NPRL3: variants seen among roughly 807,000 people sequenced by gnomAD.
The protein encoded by NPRL3 is NPR3 like, GATOR1 complex subunit.
A neutral mutation model predicts 57.2 loss-of-function variants in NPRL3; 23 were observed. That is an observed-to-expected ratio of 0.40 (90% CI 0.29 to 0.57). The LOEUF (loss-of-function observed/expected upper bound fraction) is 0.57. Among genes scored for constraint, NPRL3 ranks in the 20% least tolerant of loss-of-function variants. NPRL3 has a pLI of 0.42. For synonymous variants in NPRL3, 333 were observed against 321.1 expected (o/e 1.04, Z -0.39); for missense variants, 691 against 767.1 (o/e 0.90, Z 1.17).
chr16:100,464 C>T lies in NPRL3; in HGVS notation c.675G>A (p.Leu225=). Residue 225 remains leucine, a synonymous_variant, in exon 8 of 14, where the codon CTG becomes CTA. Coordinates refer to ENST00000611875, the MANE Select transcript of NPRL3 (RefSeq NM_001077350.3). The stretch of plus-strand genomic sequence containing the variant: ...TGTGGGGCAGGCAGAAGCTCACCTC[C>T]AGCCAGCTGTTGATGTGAAGCCGAA... ...GVVRLHINSW[L]EVSFCLPHKI... is the part of the protein sequence containing the mutation. 1 of 1,605,292 alleles carries T rather than the reference C, an allele frequency of 6.2e-7. No individual in the cohort carries two copies. Among genetic ancestry groups the T allele is most frequent in the Non-Finnish European group, 8.5e-7 (1 of 1,176,702 alleles).
At chr16:91,842 T>C (rs560177282) in intron 11 of NPRL3, among the ~76,000 whole-genome samples, 44 of 152,358 alleles carry the variant, frequency 2.9e-4, no homozygotes, top group African/African-American at 9.9e-4. Context: ...CACCGTATCC[T>C]ATCTGGCCCT....
At chr16:119,375 C>T (rs1196063440) in intron 3 of NPRL3, 120 bp from the exon 4 acceptor site, 7 of 980,548 alleles carry the variant, frequency 7.1e-6, no homozygotes, top group African/African-American at 6.5e-5. Flanking sequence ...TGCTCTGCCC[C>T]GACTGCTGGT....
At chr16:94,662 G>A (rs559750660) in intron 9 of NPRL3, among the ~76,000 whole-genome samples, 12 of 152,340 alleles carry the variant, frequency 7.9e-5, no homozygotes, top group African/African-American at 2.9e-4. Context: ...TGAGACAGGA[G>A]GATTGCTTGC....
At chr16:116,796 C>G (rs186335445) in intron 5 of NPRL3, among the ~76,000 whole-genome samples, 3 of 144,684 alleles carry the variant, frequency 2.1e-5, no homozygotes, top group East Asian at 2.1e-4. Context: ...GACCCCCCCC[C>G]CCCACCGATC....
chr16:115,203 G>A (rs929621992), intron 5 of NPRL3, among the ~76,000 whole-genome samples: 5 of 151,856 alleles, frequency 3.3e-5, no homozygotes, highest in African/African-American at 1.2e-4. Flanking sequence ...TCAAACTCCT[G>A]GGCTCAAGTG....
chr16:137,045 TAAAA>T, intron 2 of NPRL3, among the ~76,000 whole-genome samples: 1 of 66,094 alleles, frequency 1.5e-5, no homozygotes, highest in South Asian at 5.6e-4. Flanking sequence ...CCATCTCTAC[TAAAA>T]AAAAAAAAAA....
At chr16:109,534 G>C (rs955583080) in intron 7 of NPRL3, among the ~76,000 whole-genome samples, 2 of 152,152 alleles carry the variant, frequency 1.3e-5, no homozygotes, top group Non-Finnish European at 2.9e-5. Context: ...TTTTGCATCT[G>C]TTTGATTTAA....
intron 9 of NPRL3, among the ~76,000 whole-genome samples, chr16:97,009 C>T: frequency 6.6e-6 from 1 of 152,230 alleles, no homozygotes; most frequent in East Asian, 1.9e-4. Flanking sequence ...GAAGCTCAGC[C>T]AGAGGGACCC....
At chr16:112,464 T>C (rs762294488) in intron 6 of NPRL3, among the ~76,000 whole-genome samples, 158 bp downstream of exon 6, 3 of 152,244 alleles carry the variant, frequency 2.0e-5, no homozygotes, top group Non-Finnish European at 2.9e-5. Context: ...AAGCCGATGC[T>C]TGCAAGCTCC....
intron 9 of NPRL3, among the ~76,000 whole-genome samples, chr16:95,344 TATATATAC>T (rs1230993320): frequency 0.079 from 4,692 of 59,206 alleles, 90 homozygotes; most frequent in Admixed American, 0.1. Context: ...TATATATATA[TATATATAC>T]ACACACACAC....
intron 7 of NPRL3, among the ~76,000 whole-genome samples, chr16:101,714 C>T (rs932320507): frequency 6.6e-6 from 1 of 152,220 alleles, no homozygotes; most frequent in Non-Finnish European, 1.5e-5. Context: ...CATGGGCCTG[C>T]AACACCCACG....
At chr16:109,288 G>T (rs1054253934) in intron 7 of NPRL3, among the ~76,000 whole-genome samples, 2 of 152,128 alleles carry the variant, frequency 1.3e-5, no homozygotes, top group African/African-American at 4.8e-5. Context: ...ATTTAATAAA[G>T]GTGATGCTCA....
Position 100,476 on chromosome 16 carries a change from G to C in NPRL3, c.663C>G (p.Ile221Met). 13 of 1,599,508 alleles carry C rather than the reference G, an allele frequency of 8.1e-6. No homozygotes were observed. Among genetic ancestry groups the C allele is most frequent in the Non-Finnish European group, 1.1e-5 (13 of 1,174,866 alleles). Reference sequence around the variant, plus strand: ...AGAAGCTCACCTCCAGCCAGCTGTTGATGTGAAGCCGAACTACGCCCGACG... The same window carrying C: ...AGAAGCTCACCTCCAGCCAGCTGTTCATGTGAAGCCGAACTACGCCCGACG... ...LCTSGVVRLH[I>M]NSWLEVSFCL... The change falls in exon 8 of 14, where the codon ATC becomes ATG. Residue 221 changes from isoleucine (I) to methionine (M), a missense_variant. By Grantham distance (10) the Ile-to-Met change is conservative. Transcript: ENST00000611875.
chr16:124,381 A>C (rs1200123996), intron 3 of NPRL3, among the ~76,000 whole-genome samples: 3 of 151,260 alleles, frequency 2.0e-5, no homozygotes, highest in Non-Finnish European at 2.9e-5. Context: ...TTTTTTCTTC[A>C]AAAGAGACAG....
intron 7 of NPRL3, among the ~76,000 whole-genome samples, chr16:106,076 C>T (rs866479482): frequency 6.6e-6 from 1 of 151,014 alleles, no homozygotes; most frequent in African/African-American, 2.4e-5. Flanking sequence ...TTTGGGAGGT[C>T]GAGGTTGGCA....
intron 7 of NPRL3, among the ~76,000 whole-genome samples, chr16:108,559 G>A (rs942263444): frequency 6.6e-6 from 1 of 152,130 alleles, no homozygotes; most frequent in African/African-American, 2.4e-5. Context: ...AGCACTGGAA[G>A]GCTGGAACAA....
chr16:85,668 G>C lies in NPRL3; in HGVS notation c.*1037C>G, dbSNP rs754022800. The C allele has an allele frequency of 1.9e-6, 3 of 1,580,452 alleles. No homozygotes were observed. In the East Asian group the frequency reaches 6.8e-5, roughly 36 times the overall value. On this transcript the variant is annotated 3_prime_UTR_variant, in exon 14 of 14. Coordinates refer to ENST00000611875, the MANE Select transcript of NPRL3 (RefSeq NM_001077350.3). ...GCTGTAGTGGCAGCAGCCCGGGTGG[G>C]CGTCGGCCATGCAGGGGAGTGGGCC...
chr16:131,995 ACTTT>A (rs1314478791), intron 2 of NPRL3, among the ~76,000 whole-genome samples: 24 of 132,520 alleles, frequency 1.8e-4, no homozygotes, highest in African/African-American at 4.1e-4. Flanking sequence ...TCCAGAAGCT[ACTTT>A]CTTTCTTTCT....
chr16:102,383 C>T (rs1162179510), intron 7 of NPRL3, among the ~76,000 whole-genome samples: 1 of 152,222 alleles, frequency 6.6e-6, no homozygotes, highest in Non-Finnish European at 1.5e-5. Flanking sequence ...GGGATCTCCA[C>T]CTACTCTTGT....
Sources: allele counts gnomAD v4.1 joint callset (sites outside exome capture counted in the v4.1 genomes callset), GRCh38; gene constraint gnomAD v4.1.1; transcripts MANE v1.5; gene names NCBI Gene and HGNC (gene_info 2026-07-23, HGNC 2026-07-21).